Variants in TINAG observed in about 807,000 individuals in gnomAD.
TINAG encodes the protein tubulointerstitial nephritis antigen.
TINAG carries 83 observed loss-of-function variants against 72.7 expected under a neutral mutation model. The observed-to-expected ratio is 1.14, with a 90% CI of 0.96 to 1.37. The LOEUF is 1.37. TINAG is among the 40% of genes most tolerant of loss of function. The pLI is 0.00. For missense variants in TINAG, 685 were observed against 576.6 expected (o/e 1.19, Z -1.93); for synonymous variants, 234 against 189.9 (o/e 1.23, Z -1.91).
intron 9 of TINAG, among the ~76,000 whole-genome samples, chr6:54,366,239 C>T (rs185714166): frequency 1.8e-3 from 271 of 147,308 alleles, no homozygotes; most frequent in African/African-American, 6.6e-3. Flanking sequence ...TATCTATATG[C>T]GTACACGTAC....
intron 4 of TINAG, among the ~76,000 whole-genome samples, chr6:54,333,427 C>T (rs868009843): frequency 9.7e-4 from 147 of 150,848 alleles, no homozygotes; most frequent in African/African-American, 3.1e-3. Context: ...TAAGGACATA[C>T]GAGCACAGGG....
At position 54,390,109 on chromosome 6, in the gene TINAG, A is replaced by G; in HGVS notation, c.*184A>G. 2.6e-6 allele frequency: 2 copies of G among 755,472 alleles called. No homozygotes were observed. Among genetic ancestry groups the G allele is most frequent in the Non-Finnish European group, 4.0e-6 (2 of 503,290 alleles). The allele number at this position is 755,472 out of a possible 1,614,324, so 46.8% of individuals were successfully genotyped here. A position where few individuals can be genotyped will look rare whatever the true frequency, so the allele number is the denominator to read the frequency against. ...TCCTTCATATTACTGAGCATTAACA[A>G]CACCAATAAAGGACAGCAGAGTCCC... On this transcript the variant is annotated 3_prime_UTR_variant, in exon 11 of 11. Transcript: ENST00000259782.
intron 9 of TINAG, among the ~76,000 whole-genome samples, chr6:54,357,653 C>G (rs1008571257): frequency 1.3e-5 from 2 of 152,030 alleles, no homozygotes; most frequent in East Asian, 3.9e-4. Context: ...GTCACAACCT[C>G]TTTTGGCCCT....
chr6:54,380,940 C>T (rs1763927587), intron 10 of TINAG, among the ~76,000 whole-genome samples: 1 of 147,286 alleles, frequency 6.8e-6, no homozygotes, highest in African/African-American at 2.5e-5. Flanking sequence ...CATATATATA[C>T]ATATATATGT....
chr6:54,356,762 A>G (rs1000816962), intron 9 of TINAG, among the ~76,000 whole-genome samples: 1 of 151,882 alleles, frequency 6.6e-6, no homozygotes, highest in African/African-American at 2.4e-5. Flanking sequence ...TGATTCTTCA[A>G]CAAAGGATAA....
rs200898648 is a variant in TINAG at position 54,310,066 on chromosome 6, C to CT, written c.355+1169dup. 8.8e-3 allele frequency among the ~76,000 whole-genome samples: 964 copies of CT among 109,982 alleles called. 6 individuals are homozygous for CT. Among genetic ancestry groups the CT allele is most frequent in the Middle Eastern group, 0.027 (5 of 184 alleles). The allele number at this position is 109,982 out of a possible 152,430, so 72.2% of individuals were successfully genotyped here. ...CTTCTCTCCCTTTCTTTTTTCCTTC[C>CT]TTTTTTTTCCGTGTGTGTGTGTGTG... is the stretch of plus-strand genomic sequence containing the variant. On this transcript the variant is annotated intron_variant, in intron 1 of 10. Coordinates refer to ENST00000259782, the MANE Select transcript of TINAG (RefSeq NM_014464.4).
At chr6:54,315,981 C>T (rs1168640183) in intron 1 of TINAG, among the ~76,000 whole-genome samples, 1 of 152,320 alleles carries the variant, frequency 6.6e-6, no homozygotes, top group African/African-American at 2.4e-5. Context: ...TACTTTGCCA[C>T]GTATACTGAC....
chr6:54,354,307 T>C (rs1318892034), intron 8 of TINAG, among the ~76,000 whole-genome samples: 2 of 151,940 alleles, frequency 1.3e-5, no homozygotes, highest in Non-Finnish European at 2.9e-5. Context: ...CTTAATATTC[T>C]AAATAGCTAA....
At chr6:54,322,601 A>G (rs894134077) in intron 3 of TINAG, among the ~76,000 whole-genome samples, 6 of 152,172 alleles carry the variant, frequency 3.9e-5, no homozygotes, top group African/African-American at 1.4e-4. Context: ...CACATATAAC[A>G]TGTTGTTTCC....
intron 4 of TINAG, among the ~76,000 whole-genome samples, chr6:54,335,684 A>G (rs1388343919): frequency 6.6e-6 from 1 of 152,196 alleles, no homozygotes; most frequent in African/African-American, 2.4e-5. Context: ...TCTGTTGACT[A>G]CATAGAAAAA....
chr6:54,337,820 T>C (rs1448459700), intron 4 of TINAG, among the ~76,000 whole-genome samples: 5 of 152,124 alleles, frequency 3.3e-5, no homozygotes, highest in Non-Finnish European at 5.9e-5. Context: ...GGGCTGATGG[T>C]GCGGTAGAAG....
At chr6:54,343,966 A>G (rs1259119921) in intron 5 of TINAG, among the ~76,000 whole-genome samples, 2 of 152,206 alleles carry the variant, frequency 1.3e-5, no homozygotes, top group African/African-American at 4.8e-5. Context: ...ACTTTCATAT[A>G]AATTCACAAA....
At chr6:54,389,661 G>T in intron 10 of TINAG, 130 bp from the exon 11 acceptor site, 1 of 1,126,376 alleles carries the variant, frequency 8.9e-7, no homozygotes, top group Non-Finnish European at 1.2e-6. Flanking sequence ...TTAAAAATAG[G>T]TAAGTTCTTG....
rs1784338673 is a variant in TINAG, at chr6:54,314,958, C to T, written c.356-5621C>T. Among the ~76,000 whole-genome samples the T allele has an allele frequency of 2.6e-5, 4 of 152,086 alleles. No individual in the cohort carries two copies. The South Asian group carries it at 8.3e-4, about 31-fold the overall frequency. ...AAAAGTTCACATTAGACTATAAATGCTCCCATACAGATAATTTTTTTTCTT... is the reference window on the plus strand; with the variant it reads ...AAAAGTTCACATTAGACTATAAATGTTCCCATACAGATAATTTTTTTTCTT... On this transcript the variant is annotated intron_variant, in intron 1 of 10. Transcript: ENST00000259782.
At chr6:54,365,447 T>C (rs530999528) in intron 9 of TINAG, 4 of 151,600 alleles carry the variant, frequency 2.6e-5, no homozygotes, top group Non-Finnish European at 5.9e-5. Flanking sequence ...TTATATGGTT[T>C]CAGGGCTTTG....
intron 9 of TINAG, among the ~76,000 whole-genome samples, chr6:54,362,255 G>A (rs1763261601): frequency 6.6e-6 from 1 of 151,610 alleles, no homozygotes; most frequent in African/African-American, 2.4e-5. Flanking sequence ...AAGCTTCAAA[G>A]GACAGGCTGA....
chr6:54,358,009 C>T (rs1470985144), intron 9 of TINAG, among the ~76,000 whole-genome samples: 2 of 151,838 alleles, frequency 1.3e-5, no homozygotes, highest in African/African-American at 4.8e-5. Flanking sequence ...ATCTCAACTC[C>T]TACCCATCTG....
At chr6:54,364,744 T>C (rs1763353014) in intron 9 of TINAG, among the ~76,000 whole-genome samples, 1 of 151,462 alleles carries the variant, frequency 6.6e-6, no homozygotes, top group Non-Finnish European at 1.5e-5. Flanking sequence ...CCATACTTTG[T>C]AGTCATAAAC....
At chr6:54,360,250 C>G (rs1763182787) in intron 9 of TINAG, among the ~76,000 whole-genome samples, 2 of 151,778 alleles carry the variant, frequency 1.3e-5, no homozygotes, top group South Asian at 4.2e-4. Flanking sequence ...TCTCTCTTCC[C>G]TTTCAATAAC....
Sources: allele counts gnomAD v4.1 joint callset (sites outside exome capture counted in the v4.1 genomes callset), GRCh38; gene constraint gnomAD v4.1.1; transcripts MANE v1.5; gene names NCBI Gene and HGNC (gene_info 2026-07-23, HGNC 2026-07-21).